TGFBR3: variants seen among roughly 807,000 people sequenced by gnomAD.
The protein encoded by TGFBR3 is transforming growth factor beta receptor 3.
Under a neutral mutation model 87.9 loss-of-function variants are expected in TGFBR3, and 46 were observed. The observed-to-expected ratio is 0.52, with a 90% CI of 0.41 to 0.67. TGFBR3 has a LOEUF of 0.67. TGFBR3 is among the 30% of genes least tolerant of loss of function. The pLI is 0.00. For synonymous variants in TGFBR3, 381 were observed against 391.6 expected, an observed-to-expected ratio of 0.97 and a Z score of 0.32; for missense variants, 866 against 1,041.9, an observed-to-expected ratio of 0.83 and a Z score of 2.32.
intron 8 of TGFBR3, among the ~76,000 whole-genome samples, chr1:91,721,360 G>A (rs1045741450): frequency 1.3e-5 from 2 of 152,174 alleles, no homozygotes; most frequent in Admixed American, 1.3e-4. Context: ...GTAGAGCTGG[G>A]GCTTGAACCT....
chr1:91,682,237 T>C lies in TGFBR3; in HGVS notation c.*1502A>G, dbSNP rs758672781. On this transcript the variant is annotated 3_prime_UTR_variant, in exon 17 of 17. Coordinates refer to ENST00000212355, the MANE Select transcript of TGFBR3 (RefSeq NM_003243.5). ...CAGACAACCAGGCATAACTTCCTTA[T>C]TTTAAGGGCAGTGGGATTTGCTTAT... 1 of 454,020 alleles carries C rather than the reference T, an allele frequency of 2.2e-6. No homozygotes were observed. The highest frequency in any genetic ancestry group is 1.6e-5 in the South Asian group (1 of 64,472). 28.1% of individuals were successfully genotyped at this position (454,020 alleles called of 1,614,324 possible).
chr1:91,816,913 T>A (rs1395118149), intron 2 of TGFBR3, among the ~76,000 whole-genome samples: 1 of 152,144 alleles, frequency 6.6e-6, no homozygotes, highest in Admixed American at 6.5e-5. Flanking sequence ...ATAATAGGTA[T>A]TCTTATTAAA....
intron 1 of TGFBR3, among the ~76,000 whole-genome samples, chr1:91,867,235 C>T (rs1484793580): frequency 1.3e-5 from 2 of 152,170 alleles, no homozygotes; most frequent in African/African-American, 4.8e-5. Context: ...CTGCCAGTGG[C>T]AGGAAAAGAA....
chr1:91,796,002 G>A (rs1429792456), intron 3 of TGFBR3, among the ~76,000 whole-genome samples: 1 of 152,114 alleles, frequency 6.6e-6, no homozygotes, highest in East Asian at 1.9e-4. Context: ...GGGTGGCTGA[G>A]GCACATAAAC....
intron 14 of TGFBR3, among the ~76,000 whole-genome samples, chr1:91,701,325 C>T (rs1671613621): frequency 6.6e-6 from 1 of 151,976 alleles, no homozygotes; most frequent in Admixed American, 6.6e-5. Context: ...TTTTCTCTTC[C>T]CGAATCCCTA....
intron 1 of TGFBR3, among the ~76,000 whole-genome samples, chr1:91,876,761 G>A (rs1489420711): frequency 1.3e-5 from 2 of 152,126 alleles, no homozygotes; most frequent in South Asian, 2.1e-4. Flanking sequence ...AAAAGAAGCC[G>A]AAGGAGGAAA....
chr1:91,720,325 G>T (rs1310688920), intron 8 of TGFBR3, 95 bp from the exon 9 acceptor site: 2 of 1,225,770 alleles, frequency 1.6e-6, no homozygotes, highest in East Asian at 2.5e-5. Context: ...GCATAGAATG[G>T]GCAGGTGTAA....
chr1:91,704,327 C>CAA (rs68141642), intron 14 of TGFBR3, among the ~76,000 whole-genome samples: 1 of 131,482 alleles, frequency 7.6e-6, no homozygotes, highest in African/African-American at 2.9e-5. Flanking sequence ...GACTTTGTCT[C>CAA]AAAAAAAAAA....
intron 2 of TGFBR3, among the ~76,000 whole-genome samples, chr1:91,849,804 C>G (rs529739797): frequency 3.9e-5 from 6 of 152,210 alleles, no homozygotes; most frequent in African/African-American, 1.4e-4. Flanking sequence ...AATGAAAAGG[C>G]CAGCGAGGTG....
At chr1:91,880,770 T>C (rs940347941) in intron 1 of TGFBR3, among the ~76,000 whole-genome samples, 7 of 151,406 alleles carry the variant, frequency 4.6e-5, no homozygotes, top group Non-Finnish European at 7.4e-5. Flanking sequence ...TCCCAACAAT[T>C]TGAGAAGATG....
chr1:91,847,187 T>C (rs1408155076), intron 2 of TGFBR3, among the ~76,000 whole-genome samples: 6 of 152,230 alleles, frequency 3.9e-5, no homozygotes, highest in Admixed American at 2.0e-4. Context: ...TTCTCAGTCT[T>C]ATCCCCACTT....
intron 3 of TGFBR3, among the ~76,000 whole-genome samples, chr1:91,759,174 A>G (rs1673861707): frequency 6.6e-6 from 1 of 152,124 alleles, no homozygotes; most frequent in Non-Finnish European, 1.5e-5. Flanking sequence ...ATCTCCAGAG[A>G]AATGACTTTC....
chr1:91,815,774 C>G (rs1451686118), intron 2 of TGFBR3, among the ~76,000 whole-genome samples: 1 of 152,194 alleles, frequency 6.6e-6, no homozygotes, highest in East Asian at 1.9e-4. Flanking sequence ...TGAAATCAAT[C>G]TGCTGAACAA....
intron 2 of TGFBR3, among the ~76,000 whole-genome samples, chr1:91,824,028 G>C (rs1676544736): frequency 6.6e-6 from 1 of 152,162 alleles, no homozygotes; most frequent in South Asian, 2.1e-4. Context: ...GACTCAGAAG[G>C]CTGAGGTAGG....
chr1:91,683,586 T>C lies in TGFBR3; in HGVS notation c.*153A>G. On this transcript the variant is annotated 3_prime_UTR_variant, in exon 17 of 17. Transcript: ENST00000212355. ...CTGGGTGTGGGGTGAATACAACGGG[T>C]GATCTTTATACTGAAATTCACTCTG... 1 of 715,136 alleles carries C rather than the reference T, an allele frequency of 1.4e-6. No homozygotes were observed. Among genetic ancestry groups the C allele is most frequent in the Non-Finnish European group, 2.5e-6 (1 of 400,802 alleles). The allele number at this position is 715,136 out of a possible 1,614,324, so 44.3% of individuals were successfully genotyped here.
chr1:91,744,593 G>A (rs1238939602), intron 4 of TGFBR3, among the ~76,000 whole-genome samples: 2 of 152,040 alleles, frequency 1.3e-5, no homozygotes, highest in African/African-American at 4.8e-5. Context: ...AACATCTCAA[G>A]CCCAACGCTT....
chr1:91,771,615 A>T (rs993669050), intron 3 of TGFBR3, among the ~76,000 whole-genome samples: 3 of 150,480 alleles, frequency 2.0e-5, no homozygotes, highest in Non-Finnish European at 4.4e-5. Flanking sequence ...CTGAGGCAGG[A>T]GAATGGCATG....
intron 14 of TGFBR3, 112 bp downstream of exon 14, chr1:91,708,551 A>G: frequency 1.9e-6 from 3 of 1,555,508 alleles, no homozygotes; most frequent in Non-Finnish European, 2.6e-6. Flanking sequence ...AAAGTAACTA[A>G]CTGGCCCTTT....
chr1:91,732,403 G>C (rs1183401275), intron 5 of TGFBR3, among the ~76,000 whole-genome samples: 1 of 152,196 alleles, frequency 6.6e-6, no homozygotes, highest in African/African-American at 2.4e-5. Context: ...AGTTGGTCTG[G>C]GTTGGGCCTG....
Sources: gnomAD v4.1 joint callset for allele counts (sites outside exome capture counted in the v4.1 genomes callset) on GRCh38, gnomAD v4.1.1 for gene constraint, MANE v1.5 for transcripts, NCBI Gene and HGNC (gene_info 2026-07-23, HGNC 2026-07-21) for gene names.